The following PRKN variants were observed in gnomAD, a reference collection of about 807,000 sequenced individuals.
PRKN encodes the protein parkin RBR E3 ubiquitin protein ligase.
A neutral mutation model predicts 59.5 loss-of-function variants in PRKN; 56 were observed. The observed-to-expected ratio is 0.94, with a 90% CI of 0.76 to 1.18. The LOEUF (loss-of-function observed/expected upper bound fraction) is 1.18. Among genes scored for constraint, PRKN ranks in the 50% most tolerant of loss-of-function variants. PRKN has a pLI of 0.00. For missense variants in PRKN, 657 were observed against 596.4 expected, an observed-to-expected ratio of 1.10 and a Z score of -1.06; for synonymous variants, 250 against 222.1, an observed-to-expected ratio of 1.13 and a Z score of -1.12.
chr6:162,063,008 T>C (rs1778164227), intron 4 of PRKN, among the ~76,000 whole-genome samples: 1 of 152,074 alleles, frequency 6.6e-6, no homozygotes, highest in Non-Finnish European at 1.5e-5. Context: ...AATATAAATA[T>C]CTCACTCAAT....
Position 162,240,967 on chromosome 6 carries a change from C to T in PRKN, c.412+21558G>A, listed in dbSNP as rs77171868. On this transcript the variant is annotated intron_variant, in intron 3 of 11. Transcript: ENST00000366898. ...ACTGTGGTGAAGACTATAGAACTGCCCTGCCTCCATCTCTCCTAGGCACTT... is the reference window on the plus strand; with the variant it reads ...ACTGTGGTGAAGACTATAGAACTGCTCTGCCTCCATCTCTCCTAGGCACTT... Among the ~76,000 whole-genome samples the T allele has an allele frequency of 2.0e-3, 297 of 152,204 alleles. 1 individual carries two copies. The highest frequency in any genetic ancestry group is 3.5e-3 in the Non-Finnish European group (239 of 67,992).
At chr6:161,711,367 T>C (rs908619487) in intron 7 of PRKN, among the ~76,000 whole-genome samples, 4 of 152,222 alleles carry the variant, frequency 2.6e-5, no homozygotes, top group African/African-American at 9.6e-5. Flanking sequence ...CATGAATTAA[T>C]ACATATAGAA....
intron 3 of PRKN, among the ~76,000 whole-genome samples, chr6:162,208,835 C>G (rs1785069922): frequency 6.6e-6 from 1 of 152,114 alleles, no homozygotes. Flanking sequence ...ATCTCTATAG[C>G]CTGGGGTATG....
At position 162,502,411 on chromosome 6, in the gene PRKN, G is replaced by A. The variant is rs182837613; in HGVS notation, c.8-58938C>T. Among the ~76,000 whole-genome samples the A allele has an allele frequency of 3.4e-3, 511 of 152,124 alleles. 3 individuals carry two copies. Among genetic ancestry groups the A allele is most frequent in the African/African-American group, 0.012 (492 of 41,492 alleles). On this transcript the variant is annotated intron_variant, in intron 1 of 11. Transcript: ENST00000366898. ...CCTGGGCTCAGGCCATTTCCCCAAC[G>A]CCTCCCAAAATGCTGGGATTACAGC...
chr6:162,417,674 G>A (rs1391644835), intron 2 of PRKN, among the ~76,000 whole-genome samples: 1 of 152,298 alleles, frequency 6.6e-6, no homozygotes, highest in East Asian at 1.9e-4. Context: ...GAACCTCCCT[G>A]TGCCCGACTG....
chr6:161,874,976 T>TATATATAA (rs1562356616), intron 6 of PRKN, among the ~76,000 whole-genome samples: 1 of 103,684 alleles, frequency 9.6e-6, no homozygotes, highest in Non-Finnish European at 1.7e-5. Flanking sequence ...ATATAATTTA[T>TATATATAA]TATATTATAT....
At position 162,235,683 on chromosome 6, in the gene PRKN, A is replaced by ATCCC. The variant is rs1039556811; in HGVS notation, c.412+26838_412+26841dup. Among the ~76,000 whole-genome samples, 677 of 151,892 alleles carry ATCCC rather than the reference A, an allele frequency of 4.5e-3. 7 individuals are homozygous for ATCCC. Among genetic ancestry groups the ATCCC allele is most frequent in the African/African-American group, 0.016 (653 of 41,408 alleles). Reference sequence around the variant, plus strand: ...ACTAGCGCGGTGGCTGGTGCCTGTAATCCCAGCTACTCGGAAGGCTGAGGC... The same window carrying ATCCC: ...ACTAGCGCGGTGGCTGGTGCCTGTAATCCCTCCCAGCTACTCGGAAGGCTGAGGC... On this transcript the variant is annotated intron_variant, in intron 3 of 11. Transcript: ENST00000366898.
At chr6:162,266,844 T>G (rs1297089338) in intron 2 of PRKN, among the ~76,000 whole-genome samples, 1 of 152,200 alleles carries the variant, frequency 6.6e-6, no homozygotes, top group Admixed American at 6.6e-5. Context: ...TCCCTAATCT[T>G]GTACATGAAT....
intron 6 of PRKN, among the ~76,000 whole-genome samples, chr6:161,809,240 C>A (rs1421857683): frequency 1.3e-5 from 2 of 152,074 alleles, no homozygotes; most frequent in Non-Finnish European, 2.9e-5. Flanking sequence ...ACCCACACAT[C>A]AACAGTCCTC....
At chr6:161,913,953 C>A (rs1181167246) in intron 6 of PRKN, among the ~76,000 whole-genome samples, 1 of 152,178 alleles carries the variant, frequency 6.6e-6, no homozygotes. Context: ...AGAGAGCCCT[C>A]ACCAGGTTTC....
At chr6:161,590,415 T>G (rs1781675554) in intron 7 of PRKN, among the ~76,000 whole-genome samples, 1 of 152,014 alleles carries the variant, frequency 6.6e-6, no homozygotes, top group South Asian at 2.1e-4. Flanking sequence ...CTAGCCAACA[T>G]GGTGAAACCC....
At position 161,483,006 on chromosome 6, in the gene PRKN, C is replaced by A. The variant is rs139321523; in HGVS notation, c.1083+65848G>T. ...CACTAAATTTAATCACGAAGTCTGGCAGTACAGAATTCTTCCTTCTCCCTC... is the reference window on the plus strand; with the variant it reads ...CACTAAATTTAATCACGAAGTCTGGAAGTACAGAATTCTTCCTTCTCCCTC... On this transcript the variant is annotated intron_variant, in intron 9 of 11. Transcript: ENST00000366898. The surrounding 1 kb of genome is among the most constrained non-coding windows in gnomAD (Gnocchi z 5.0). Among the ~76,000 whole-genome samples, 1 of 152,226 alleles carries A rather than the reference C, an allele frequency of 6.6e-6. No homozygotes were observed. Among genetic ancestry groups the A allele is most frequent in the African/African-American group, 2.4e-5 (1 of 41,540 alleles).
chr6:161,565,456 G>C (rs1320861732), intron 8 of PRKN, among the ~76,000 whole-genome samples: 1 of 152,088 alleles, frequency 6.6e-6, no homozygotes, highest in South Asian at 2.1e-4. Context: ...CGGGACCAAG[G>C]GTGGAAGTGA....
chr6:162,172,054 T>C (rs559066189), intron 4 of PRKN, among the ~76,000 whole-genome samples: 64 of 152,300 alleles, frequency 4.2e-4, no homozygotes, highest in Non-Finnish European at 7.6e-4. Flanking sequence ...CCTGTTACTG[T>C]TTTATAGCTG....
intron 6 of PRKN, among the ~76,000 whole-genome samples, chr6:161,914,863 G>A (rs1305424341): frequency 6.6e-6 from 1 of 152,056 alleles, no homozygotes; most frequent in African/African-American, 2.4e-5. Flanking sequence ...AGCAATAAAT[G>A]TGTCTATGGG....
At chr6:162,474,318 T>G (rs1791898354) in intron 1 of PRKN, among the ~76,000 whole-genome samples, 1 of 152,214 alleles carries the variant, frequency 6.6e-6, no homozygotes, top group African/African-American at 2.4e-5. Context: ...GGAAGAGTAA[T>G]CTACATGTAT....
At chr6:161,757,942 TGTATATATATATACAGTTAA>T in intron 7 of PRKN, among the ~76,000 whole-genome samples, 1 of 136,470 alleles carries the variant, frequency 7.3e-6, no homozygotes, top group African/African-American at 2.7e-5. Context: ...TGTATATATA[TGTATATATATATACAGTTAA>T]ATATATATAT....
At chr6:162,471,843 C>T (rs1020168223) in intron 1 of PRKN, among the ~76,000 whole-genome samples, 3 of 152,194 alleles carry the variant, frequency 2.0e-5, no homozygotes, top group Non-Finnish European at 2.9e-5. Flanking sequence ...ATTATTAGAA[C>T]ACTAGTCTTT....
chr6:161,830,467 T>A (rs1161045203), intron 6 of PRKN, among the ~76,000 whole-genome samples: 8 of 152,106 alleles, frequency 5.3e-5, no homozygotes, highest in African/African-American at 9.7e-5. Flanking sequence ...TTAGCCAGGA[T>A]GGTCTCGATC....
Sources: allele counts gnomAD v4.1 joint callset (sites outside exome capture counted in the v4.1 genomes callset), GRCh38; gene constraint gnomAD v4.1.1; non-coding constraint Gnocchi (gnomAD v3.1); transcripts MANE v1.5; gene names NCBI Gene and HGNC (gene_info 2026-07-23, HGNC 2026-07-21).